The following PRELID2 variants were observed in gnomAD, a reference collection of about 807,000 sequenced individuals.
PRELID2 encodes PRELI domain containing 2, also known as PRELI domain-containing protein 2.
In PRELID2, 25 loss-of-function variants were observed where a neutral mutation model predicts 28.4. The ratio of observed to expected loss-of-function variants is 0.88; its 90% CI spans 0.64 to 1.23. The LOEUF is 1.23. Among genes scored for constraint, PRELID2 ranks in the 50% most tolerant of loss-of-function variants. The pLI is 0.00. For missense variants in PRELID2, 201 were observed against 214.4 expected, an observed-to-expected ratio of 0.94 and a Z score of 0.39; for synonymous variants, 76 against 71.6, an observed-to-expected ratio of 1.06 and a Z score of -0.31.
At chr5:145,752,518 G>A (rs1446539302), downstream of PRELID2, among the ~76,000 whole-genome samples, 1 of 152,106 alleles carries the variant, frequency 6.6e-6, no homozygotes, top group Non-Finnish European at 1.5e-5. Flanking sequence ...GATATGTTGG[G>A]GGCAGGGTTC....
At chr5:145,274,915 G>T in the PRELID2 span, among the ~76,000 whole-genome samples, 15 of 152,100 alleles carry the variant, frequency 9.9e-5, no homozygotes, top group African/African-American at 3.6e-4. Flanking sequence ...TGAGATCAAG[G>T]TGTCAGCAAG....
chr5:145,234,195 C>A, the PRELID2 span, among the ~76,000 whole-genome samples: 5 of 152,180 alleles, frequency 3.3e-5, no homozygotes, highest in African/African-American at 1.2e-4. Flanking sequence ...TCTTCTTATT[C>A]TGATAATCAA....
chr5:145,653,885 A>C (rs556770292), intron 1 of PRELID2, among the ~76,000 whole-genome samples: 1 of 152,370 alleles, frequency 6.6e-6, no homozygotes, highest in Admixed American at 6.5e-5. Flanking sequence ...AGAAGGCAAG[A>C]AATAACTAAG....
chr5:145,335,175 T>G, the PRELID2 span, among the ~76,000 whole-genome samples: 1 of 152,002 alleles, frequency 6.6e-6, no homozygotes, highest in Non-Finnish European at 1.5e-5. Context: ...TTCTTTTTTC[T>G]CCTCTGACTG....
chr5:145,376,806 C>CT, the PRELID2 span, among the ~76,000 whole-genome samples: 1 of 151,880 alleles, frequency 6.6e-6, no homozygotes, highest in Admixed American at 6.6e-5. Context: ...AGCTAGCAGT[C>CT]TATCTATTTT....
chr5:145,330,517 C>A, the PRELID2 span, among the ~76,000 whole-genome samples: 239 of 152,194 alleles, frequency 1.6e-3, 5 homozygotes, highest in East Asian at 0.04. Context: ...CGTATGTGTC[C>A]AGGAATTTAT....
chr5:145,368,525 C>A, the PRELID2 span, among the ~76,000 whole-genome samples: 1 of 151,860 alleles, frequency 6.6e-6, no homozygotes, highest in East Asian at 1.9e-4. Flanking sequence ...TCATCCTGAA[C>A]TTTCTCCTCT....
intron 4 of PRELID2, among the ~76,000 whole-genome samples, chr5:145,812,537 G>T (rs1439200707): frequency 6.6e-6 from 1 of 152,170 alleles, no homozygotes; most frequent in Admixed American, 6.5e-5. Context: ...TTATTATGAG[G>T]ATTAAATATA....
chr5:145,776,012 G>A (rs973682757), intron 5 of PRELID2, among the ~76,000 whole-genome samples: 2 of 143,244 alleles, frequency 1.4e-5, no homozygotes, highest in Non-Finnish European at 3.1e-5. Flanking sequence ...TAAACCATGG[G>A]CTGTTTTTAA....
At chr5:145,465,402 C>G in the PRELID2 span, among the ~76,000 whole-genome samples, 1 of 152,046 alleles carries the variant, frequency 6.6e-6, no homozygotes, top group Non-Finnish European at 1.5e-5. Context: ...AGTTGAGAAC[C>G]AGGCAATGAA....
chr5:145,584,481 A>T (rs541753316), intron 1 of PRELID2, among the ~76,000 whole-genome samples: 1 of 152,308 alleles, frequency 6.6e-6, no homozygotes, highest in Admixed American at 6.5e-5. Flanking sequence ...AGAAACTAGC[A>T]TCAGAGTGAA....
chr5:145,676,629 C>T (rs1486094792), intron 1 of PRELID2, among the ~76,000 whole-genome samples: 1 of 152,122 alleles, frequency 6.6e-6, no homozygotes, highest in African/African-American at 2.4e-5. Context: ...AGCATTTAAC[C>T]CACTTTTCCT....
In PRELID2 at chr5:145,671,303, GC is replaced by G. The variant is rs1386343560; in HGVS notation, n.70+93627del. Among the ~76,000 whole-genome samples, 5 of 152,268 alleles carry G rather than the reference GC, an allele frequency of 3.3e-5. No homozygotes were observed. The East Asian group carries it at 9.6e-4, about 29-fold the overall frequency. On this transcript the variant is annotated intron_variant and non_coding_transcript_variant, in intron 1 of 2. Transcript: ENST00000510259. ...GACTTTTTGAACCCAGTTAGTCCAT[GC>G]TGTGCTCAGAATCCCAACAAAACTT...
Position 145,788,294 on chromosome 5 carries a change from C to A in PRELID2, c.474+8148G>T, listed in dbSNP as rs185831482. Among the ~76,000 whole-genome samples, 17 of 152,326 alleles carry A rather than the reference C, an allele frequency of 1.1e-4. No individual in the cohort carries two copies. The East Asian group carries it at 3.3e-3, about 29-fold the overall frequency. ...CTCAAGGCCTATTAAAAGCTAACTA[C>A]ATATTTTAGCATGACTTGAGATAAG... is the stretch of plus-strand genomic sequence containing the variant. On this transcript the variant is annotated intron_variant, in intron 5 of 6. Transcript: ENST00000683046.
At chr5:145,639,537 GA>G (rs1453728627) in intron 1 of PRELID2, among the ~76,000 whole-genome samples, 1 of 152,132 alleles carries the variant, frequency 6.6e-6, no homozygotes, top group Non-Finnish European at 1.5e-5. Flanking sequence ...GGGCTCATAG[GA>G]TTATACTCTG....
At chr5:145,532,319 T>C (rs555696745) in intron 1 of PRELID2, among the ~76,000 whole-genome samples, 1 of 152,178 alleles carries the variant, frequency 6.6e-6, no homozygotes, top group East Asian at 1.9e-4. Context: ...CTCTTTTTTC[T>C]TTTTTTCTCC....
chr5:145,823,835 G>A (rs340048), intron 1 of PRELID2, among the ~76,000 whole-genome samples: 1 of 152,156 alleles, frequency 6.6e-6, no homozygotes, highest in African/African-American at 2.4e-5. Flanking sequence ...TGCTTTTGTC[G>A]TAGGCAATTT....
intron 1 of PRELID2, among the ~76,000 whole-genome samples, chr5:145,496,732 G>A (rs1276871854): frequency 6.6e-6 from 1 of 152,020 alleles, no homozygotes; most frequent in Non-Finnish European, 1.5e-5. Context: ...CCTTTCACAA[G>A]TGCCAAACCT....
chr5:145,329,133 A>G, the PRELID2 span, among the ~76,000 whole-genome samples: 2 of 152,074 alleles, frequency 1.3e-5, no homozygotes, highest in Admixed American at 1.3e-4. Flanking sequence ...CCATTGGTCT[A>G]TATATCTGTT....
Sources: allele counts gnomAD v4.1 joint callset (sites outside exome capture counted in the v4.1 genomes callset), GRCh38; gene constraint gnomAD v4.1.1; transcripts MANE v1.5; gene names NCBI Gene and HGNC (gene_info 2026-07-23, HGNC 2026-07-21).